The following TMIGD2 variants were observed in gnomAD, a reference collection of about 807,000 sequenced individuals.
TMIGD2 encodes transmembrane and immunoglobulin domain containing 2, also known as transmembrane and immunoglobulin domain-containing protein 2.
Under a neutral mutation model 22.6 loss-of-function variants are expected in TMIGD2, and 18 were observed. The ratio of observed to expected loss-of-function variants is 0.80; its 90% confidence interval spans 0.55 to 1.18. TMIGD2 has a LOEUF of 1.18. Among genes scored for constraint, TMIGD2 ranks in the 50% most tolerant of loss-of-function variants. The probability of loss-of-function intolerance (pLI) is 0.00; values close to 1 mark genes in which losing one functional copy is unlikely to be tolerated. For missense variants in TMIGD2, 361 were observed against 378.2 expected, an observed-to-expected ratio of 0.95 and a Z score of 0.38; for synonymous variants, 184 against 154.1, an observed-to-expected ratio of 1.19 and a Z score of -1.44.
intron 2 of TMIGD2, among the ~76,000 whole-genome samples, chr19:4,296,427 A>G (rs1219191382): frequency 6.6e-6 from 1 of 152,202 alleles, no homozygotes; most frequent in Non-Finnish European, 1.5e-5. Flanking sequence ...GCCGCAATTA[A>G]GATAAGGTCC....
chr19:4,301,313 G>T (rs764159200), intron 1 of TMIGD2, among the ~76,000 whole-genome samples: 4 of 152,154 alleles, frequency 2.6e-5, no homozygotes, highest in Non-Finnish European at 5.9e-5. Context: ...GCCAAGACTG[G>T]GTGATTGCTT....
chr19:4,298,006 G>A (rs1291541227), exon 2 of TMIGD2: 2 of 1,603,918 alleles, frequency 1.2e-6, no homozygotes, highest in African/African-American at 1.3e-5. Flanking sequence ...AAAGAGCCTT[G>A]TTATGTTGCC....
chr19:4,293,263 T>C (rs1425953702), intron 4 of TMIGD2, among the ~76,000 whole-genome samples: 7 of 145,244 alleles, frequency 4.8e-5, no homozygotes, highest in African/African-American at 7.7e-5. Flanking sequence ...GCCCGGCCTT[T>C]TTTTTTTTTT....
exon 5 of TMIGD2, chr19:4,292,339 C>G (rs1460322818): frequency 2.2e-6 from 1 of 456,814 alleles, no homozygotes; most frequent in Admixed American, 3.9e-5. Flanking sequence ...GCTCCCAATC[C>G]TCCTGCTTTT....
At chr19:4,294,091 C>G (rs1020769123) in intron 4 of TMIGD2, among the ~76,000 whole-genome samples, 1 of 142,292 alleles carries the variant, frequency 7.0e-6, no homozygotes, top group Non-Finnish European at 1.5e-5. Flanking sequence ...TTTTTGAGAC[C>G]GCGTCTTGCT....
rs11303106 is a variant in TMIGD2 at position 4,297,858 on chromosome 19, T to TAAAA, written c.406+124_406+127dup. 33 of 1,052,508 alleles carry TAAAA rather than the reference T, an allele frequency of 3.1e-5. No homozygotes were observed. In the African/African-American group the frequency reaches 5.1e-4, roughly 16 times the overall value. The allele number at this position is 1,052,508 out of a possible 1,614,324, so 65.2% of individuals were successfully genotyped here. A position where few individuals can be genotyped will look rare whatever the true frequency, so the allele number is the denominator to read the frequency against. On this transcript the variant is annotated intron_variant, in intron 2 of 4. Coordinates refer to ENST00000301272, the Ensembl canonical transcript of TMIGD2. ...GACGACAGAGCAAGACTCTGTCTCT[T>TAAAA]AAAAAAAAAAAAAAAAGTTTGATAT...
At chr19:4,300,980 G>GT (rs1971529328) in intron 1 of TMIGD2, among the ~76,000 whole-genome samples, 1 of 152,070 alleles carries the variant, frequency 6.6e-6, no homozygotes, top group African/African-American at 2.4e-5. Flanking sequence ...TTTTGTTTTT[G>GT]TTTTTGTTTT....
intron 1 of TMIGD2, among the ~76,000 whole-genome samples, chr19:4,301,984 TG>T (rs1971542406): frequency 6.6e-6 from 1 of 152,122 alleles, no homozygotes; most frequent in Admixed American, 6.6e-5. Context: ...ATTAGGCAGC[TG>T]GAACAGCAGG....
At chr19:4,297,047 G>GTTTT (rs1444037078) in intron 2 of TMIGD2, among the ~76,000 whole-genome samples, 1 of 146,322 alleles carries the variant, frequency 6.8e-6, no homozygotes, top group African/African-American at 2.5e-5. Flanking sequence ...TATCTGGAGG[G>GTTTT]TTTCTTCCAA....
At chr19:4,293,561 A>AT (rs548398108) in intron 4 of TMIGD2, among the ~76,000 whole-genome samples, 38,951 of 141,868 alleles carry the variant, frequency 0.27, 5,262 homozygotes, top group Middle Eastern at 0.31. Flanking sequence ...CACCCGGCCA[A>AT]TTTTTTTTTT....
chr19:4,294,537 T>G (rs1223114896), intron 4 of TMIGD2, 42 bp downstream of exon 4: 3 of 1,593,036 alleles, frequency 1.9e-6, no homozygotes, highest in Non-Finnish European at 2.6e-6. Flanking sequence ...CAGCTGCAGT[T>G]CCCACCTCCT....
chr19:4,301,848 C>T (rs918484), intron 1 of TMIGD2, among the ~76,000 whole-genome samples: 125,887 of 152,100 alleles, frequency 0.83, 52,463 homozygotes, highest in African/African-American at 0.93. Context: ...AGTAGAAAGT[C>T]TGCTTTTAGC....
exon 4 of TMIGD2, chr19:4,294,604 G>C (rs1971434048): frequency 6.2e-7 from 1 of 1,611,040 alleles, no homozygotes; most frequent in South Asian, 1.1e-5. Flanking sequence ...GGCAGCTGCG[G>C]CGGCCCCAGA....
At chr19:4,294,747 TGG>T (rs751401134) in intron 3 of TMIGD2, 26 bp downstream of exon 3, 6 of 1,579,056 alleles carry the variant, frequency 3.8e-6, no homozygotes, top group Non-Finnish European at 5.2e-6. Context: ...TGGAAGACGC[TGG>T]GGGAGGAACA....
At chr19:4,292,362 G>C (rs1971391319) in exon 5 of TMIGD2, 1 of 501,552 alleles carries the variant, frequency 2.0e-6, no homozygotes, top group Non-Finnish European at 3.5e-6. Flanking sequence ...TTTTTTTTGA[G>C]ACGGAGTCTC....
rs146887215 is a variant in TMIGD2 at position 4,299,443 on chromosome 19, G to A, written c.47-1098C>T. The stretch of plus-strand genomic sequence containing the variant: ...ATTGTAGATGTGAGCCACTGTGACC[G>A]GCCTTTTTTTTTTTCTTAAGACCAC... On this transcript the variant is annotated intron_variant, in intron 1 of 4. Coordinates refer to ENST00000301272, the Ensembl canonical transcript of TMIGD2. Among the ~76,000 whole-genome samples, 675 of 151,662 alleles carry A rather than the reference G, an allele frequency of 4.5e-3. 1 individual carries two copies. The highest frequency in any genetic ancestry group is 0.016 in the African/African-American group (651 of 41,372).
chr19:4,300,931 C>T (rs1971528460), intron 1 of TMIGD2, among the ~76,000 whole-genome samples: 1 of 152,072 alleles, frequency 6.6e-6, no homozygotes, highest in Admixed American at 6.6e-5. Context: ...GATGGAAAAT[C>T]AGAAAGCAGG....
chr19:4,293,231 G>T (rs1189765532), intron 4 of TMIGD2, among the ~76,000 whole-genome samples: 2 of 150,382 alleles, frequency 1.3e-5, no homozygotes, highest in African/African-American at 4.9e-5. Flanking sequence ...AAAGTGCTGG[G>T]ATTACAGGCG....
chr19:4,295,890 C>T (rs1404224182), intron 2 of TMIGD2, among the ~76,000 whole-genome samples: 1 of 152,172 alleles, frequency 6.6e-6, no homozygotes, highest in Non-Finnish European at 1.5e-5. Flanking sequence ...TACTATGTCT[C>T]AGGCCCTGTG....
Sources: allele counts gnomAD v4.1 joint callset (sites outside exome capture counted in the v4.1 genomes callset), GRCh38; gene constraint gnomAD v4.1.1; transcripts MANE v1.5; gene names NCBI Gene and HGNC (gene_info 2026-07-23, HGNC 2026-07-21).